Variants in SBF2 observed in about 807,000 individuals in gnomAD.
The protein encoded by SBF2 is SET binding factor 2, also known as myotubularin-related protein 13.
SBF2 carries 112 observed loss-of-function variants against 225.2 expected under a neutral mutation model. The ratio of observed to expected loss-of-function variants is 0.50; its 90% CI spans 0.43 to 0.58. The LOEUF (loss-of-function observed/expected upper bound fraction) is 0.58, where lower values mean the gene tolerates loss of function less well. Ranked by LOEUF, SBF2 falls within the 20% of genes least tolerant of loss-of-function variation. The pLI is 0.00. For missense variants in SBF2, 1,996 were observed against 2,206.2 expected, an observed-to-expected ratio of 0.90 and a Z score of 1.91; for synonymous variants, 763 against 773.3, an observed-to-expected ratio of 0.99 and a Z score of 0.22.
intron 17 of SBF2, among the ~76,000 whole-genome samples, chr11:9,863,872 T>C (rs1857968376): frequency 6.6e-6 from 1 of 152,176 alleles, no homozygotes; most frequent in South Asian, 2.1e-4. Flanking sequence ...CATATTATCA[T>C]TCCCATTTTG....
At chr11:10,118,029 A>C (rs1179251734) in intron 2 of SBF2, among the ~76,000 whole-genome samples, 1 of 152,176 alleles carries the variant, frequency 6.6e-6, no homozygotes, top group African/African-American at 2.4e-5. Context: ...ATTCACTGAA[A>C]CAACTGATCT....
chr11:10,033,114 T>A (rs1337242290), intron 3 of SBF2, among the ~76,000 whole-genome samples: 2 of 152,206 alleles, frequency 1.3e-5, no homozygotes, highest in Non-Finnish European at 2.9e-5. Flanking sequence ...GTTTCTGGAA[T>A]CCTTAGAAAT....
chr11:10,218,944 G>A (rs577542649), intron 1 of SBF2, among the ~76,000 whole-genome samples: 1 of 152,132 alleles, frequency 6.6e-6, no homozygotes, highest in Non-Finnish European at 1.5e-5. Flanking sequence ...CTGTTTTCAT[G>A]GGCTGCTATT....
chr11:10,201,190 ATCTAAAGATATCTG>A (rs1957558557), intron 1 of SBF2, among the ~76,000 whole-genome samples: 1 of 152,250 alleles, frequency 6.6e-6, no homozygotes, highest in South Asian at 2.1e-4. Flanking sequence ...ATAGAAGCTG[ATCTAAAGATATCTG>A]TCCAAAGACA....
At chr11:10,240,005 G>A (rs1959186308) in intron 1 of SBF2, among the ~76,000 whole-genome samples, 1 of 152,098 alleles carries the variant, frequency 6.6e-6, no homozygotes. Context: ...CACTGGAGGT[G>A]CCCTTTAGTA....
At chr11:9,939,699 G>C (rs1865134378) in intron 16 of SBF2, among the ~76,000 whole-genome samples, 2 of 152,300 alleles carry the variant, frequency 1.3e-5, no homozygotes, top group East Asian at 1.9e-4. Context: ...TGCTGGTGGA[G>C]ATATGAAACA....
intron 16 of SBF2, among the ~76,000 whole-genome samples, chr11:9,932,957 CAAAAA>C (rs574177096): frequency 3.4e-5 from 2 of 58,768 alleles, no homozygotes; most frequent in African/African-American, 2.2e-4. Context: ...AAACGAAAAG[CAAAAA>C]AAAAAAAAAA....
chr11:10,127,708 G>A (rs979139720), intron 2 of SBF2, among the ~76,000 whole-genome samples: 2 of 152,072 alleles, frequency 1.3e-5, no homozygotes, highest in African/African-American at 2.4e-5. Flanking sequence ...GAATAAGACC[G>A]AAAGCACCTT....
At chr11:9,962,553 CA>C (rs1464744789) in intron 15 of SBF2, among the ~76,000 whole-genome samples, 1 of 152,074 alleles carries the variant, frequency 6.6e-6, no homozygotes, top group Non-Finnish European at 1.5e-5. Context: ...AATCACTATT[CA>C]GCTTTAAATT....
At chr11:10,002,506 T>A (rs1363441731) in intron 7 of SBF2, 51 bp downstream of exon 7, 2 of 1,430,266 alleles carry the variant, frequency 1.4e-6, no homozygotes, top group Non-Finnish European at 9.8e-7. Flanking sequence ...TTATCAACGA[T>A]AAGTGATATG....
intron 1 of SBF2, among the ~76,000 whole-genome samples, chr11:10,286,790 C>A (rs1173204166): frequency 6.6e-6 from 1 of 152,156 alleles, no homozygotes; most frequent in African/African-American, 2.4e-5. Context: ...AAAAGAATAA[C>A]TGAAACTCTC....
At chr11:10,154,760 T>C (rs1955387527) in intron 2 of SBF2, among the ~76,000 whole-genome samples, 1 of 152,200 alleles carries the variant, frequency 6.6e-6, no homozygotes, top group East Asian at 1.9e-4. Flanking sequence ...AAATTAAACT[T>C]ATGTTTTCTT....
At chr11:10,033,115 C>T (rs1214480046) in intron 3 of SBF2, among the ~76,000 whole-genome samples, 2 of 152,096 alleles carry the variant, frequency 1.3e-5, no homozygotes, top group Admixed American at 1.3e-4. Flanking sequence ...TTTCTGGAAT[C>T]CTTAGAAATA....
Position 10,042,881 on chromosome 11 carries a change from G to A in SBF2, c.242C>T (p.Ser81Leu). 1 of 1,613,984 alleles carries A rather than the reference G, an allele frequency of 6.2e-7. No homozygotes were observed. The highest frequency in any genetic ancestry group is 8.5e-7 in the Non-Finnish European group (1 of 1,179,888). ...CTCTGCCTCATAGAAGGTTAGGCAT[G>A]AGCAGTAATGTCGATCTGAGTCAAT... Reference protein sequence around the residue: ...TDIDSDRHYCSCLTFYEAEIN... With the variant: ...TDIDSDRHYCLCLTFYEAEIN... The change falls in exon 3 of 40, where the codon TCA becomes TTA. Residue 81 changes from serine (S) to leucine (L), a missense_variant. Coordinates refer to ENST00000256190, the MANE Select transcript of SBF2 (RefSeq NM_030962.4).
chr11:9,917,144 G>A (rs1025236398), intron 16 of SBF2, among the ~76,000 whole-genome samples: 1 of 151,568 alleles, frequency 6.6e-6, no homozygotes, highest in African/African-American at 2.4e-5. Context: ...AAAATATCTT[G>A]TGATAAATCC....
rs145825478 is a variant in SBF2 at position 9,846,614 on chromosome 11, C to T, written c.2934+342G>A. ...TAGAACAGCCACAGGGCATTTCCTT[C>T]AAAACAGATGACAAGATAATTGCTT... On this transcript the variant is annotated intron_variant, in intron 23 of 39. Transcript: ENST00000256190. 3.7e-3 allele frequency among the ~76,000 whole-genome samples: 566 copies of T among 152,308 alleles called. 3 individuals carry two copies. The highest frequency in any genetic ancestry group is 0.012 in the African/African-American group (516 of 41,580).
chr11:9,981,004 A>C (rs1946932473), intron 13 of SBF2, among the ~76,000 whole-genome samples: 2 of 152,228 alleles, frequency 1.3e-5, no homozygotes. Context: ...TCACATTCTA[A>C]ATGTAGAACT....
At chr11:10,142,123 A>G (rs1413761483) in intron 2 of SBF2, among the ~76,000 whole-genome samples, 1 of 152,192 alleles carries the variant, frequency 6.6e-6, no homozygotes, top group East Asian at 1.9e-4. Context: ...ATAGATATGA[A>G]CTGTACCACT....
chr11:10,227,265 G>A (rs1958613697), intron 1 of SBF2, among the ~76,000 whole-genome samples: 1 of 152,126 alleles, frequency 6.6e-6, no homozygotes, highest in Non-Finnish European at 1.5e-5. Context: ...CTCCCATTCT[G>A]TAGGTTGCCT....
Sources: gnomAD v4.1 joint callset for allele counts (sites outside exome capture counted in the v4.1 genomes callset) on GRCh38, gnomAD v4.1.1 for gene constraint, MANE v1.5 for transcripts, NCBI Gene and HGNC (gene_info 2026-07-23, HGNC 2026-07-21) for gene names.